AFF2: variants seen among roughly 807,000 people sequenced by gnomAD.
AFF2 encodes the protein ALF transcription elongation factor 2.
Under a neutral mutation model 76.9 loss-of-function variants are expected in AFF2, and 14 were observed. The ratio of observed to expected loss-of-function variants is 0.18; its 90% CI spans 0.12 to 0.28. The LOEUF (loss-of-function observed/expected upper bound fraction) is 0.28, where lower values mean the gene tolerates loss of function less well. AFF2 is among the 10% of genes least tolerant of loss of function. The pLI is 1.00. For synonymous variants in AFF2, 398 were observed against 366.7 expected, an observed-to-expected ratio of 1.09 and a Z score of -0.98; for missense variants, 868 against 1,001.1, an observed-to-expected ratio of 0.87 and a Z score of 1.79.
intron 8 of AFF2, among the ~76,000 whole-genome samples, chrX:148,902,627 T>A (rs1196848524): frequency 8.9e-6 from 1 of 111,891 alleles, no homozygotes; most frequent in Non-Finnish European, 1.9e-5. Flanking sequence ...GAGGTTCACA[T>A]CCTCTGTACA....
At chrX:148,540,418 T>G (rs1216038768) in intron 1 of AFF2, among the ~76,000 whole-genome samples, 1 of 109,095 alleles carries the variant, frequency 9.2e-6, no homozygotes, top group African/African-American at 3.3e-5. Flanking sequence ...TTTTTTTTTT[T>G]TTTTTCATGT....
At chrX:148,862,543 C>A (rs1205196919) in intron 7 of AFF2, among the ~76,000 whole-genome samples, 1 of 111,583 alleles carries the variant, frequency 9.0e-6, no homozygotes, top group East Asian at 2.8e-4. Flanking sequence ...TCTATTAACG[C>A]CAGTAATCCA....
chrX:148,632,453 A>G (rs941427402), intron 1 of AFF2, among the ~76,000 whole-genome samples: 1 of 111,809 alleles, frequency 8.9e-6, no homozygotes, highest in Non-Finnish European at 1.9e-5. Flanking sequence ...GTTATCAAAT[A>G]CTGAGACTGA....
Position 148,766,412 on chromosome X carries a change from T to C in AFF2, c.1042-43464T>C, listed in dbSNP as rs782475209. ...GATCGCCATTCTAACTGGTGTGAGA[T>C]GGTATCTCATAGTGGTTTTGATTTG... On this transcript the variant is annotated intron_variant, in intron 3 of 20. Coordinates refer to ENST00000370460, the MANE Select transcript of AFF2 (RefSeq NM_002025.4). Among the ~76,000 whole-genome samples, 146 of 109,829 alleles carry C rather than the reference T, an allele frequency of 1.3e-3. 1 individual carries two copies. Among genetic ancestry groups the C allele is most frequent in the Non-Finnish European group, 2.5e-3 (129 of 52,649 alleles).
intron 3 of AFF2, among the ~76,000 whole-genome samples, chrX:148,671,064 T>C (rs1187942760): frequency 1.8e-5 from 2 of 111,312 alleles, no homozygotes; most frequent in African/African-American, 6.5e-5. Context: ...GCCATCAGCA[T>C]CCTAAAACAA....
chrX:148,527,523 C>T (rs1441680149), intron 1 of AFF2, among the ~76,000 whole-genome samples: 1 of 111,203 alleles, frequency 9.0e-6, no homozygotes, highest in African/African-American at 3.3e-5. Context: ...AGAATATCAA[C>T]ATCAATTTCC....
intron 10 of AFF2, 105 bp from the exon 11 acceptor site, chrX:148,955,498 G>A (rs2072022170): frequency 4.7e-6 from 4 of 855,297 alleles, no homozygotes; most frequent in Non-Finnish European, 6.7e-6. Context: ...TGTGTGAACA[G>A]TCACTTGACA....
At chrX:148,642,989 T>C (rs2054105201) in intron 1 of AFF2, among the ~76,000 whole-genome samples, 1 of 112,261 alleles carries the variant, frequency 8.9e-6, no homozygotes, top group African/African-American at 3.2e-5. Flanking sequence ...AGGATCCTCC[T>C]GAAGTAAATC....
At chrX:148,986,489 T>G (rs2072473947) in intron 19 of AFF2, among the ~76,000 whole-genome samples, 1 of 112,683 alleles carries the variant, frequency 8.9e-6, no homozygotes, top group South Asian at 3.7e-4. Context: ...AAAATGTGTG[T>G]CTAAACACTG....
chrX:148,778,277 C>T (rs1603299222), intron 3 of AFF2, among the ~76,000 whole-genome samples: 1 of 111,404 alleles, frequency 9.0e-6, no homozygotes, highest in East Asian at 2.8e-4. Flanking sequence ...AGGATTTTTG[C>T]ATCGATGTTC....
chrX:148,882,794 A>G (rs183528826), intron 7 of AFF2, among the ~76,000 whole-genome samples: 7 of 112,323 alleles, frequency 6.2e-5, no homozygotes, highest in Admixed American at 5.7e-4. Flanking sequence ...AAACAAGTAC[A>G]TGTATATTCA....
intron 1 of AFF2, among the ~76,000 whole-genome samples, chrX:148,603,063 G>A (rs2053641222): frequency 9.0e-6 from 1 of 111,507 alleles, no homozygotes; most frequent in African/African-American, 3.3e-5. Flanking sequence ...AGTGAGTCAA[G>A]GGTAATGTCA....
intron 3 of AFF2, among the ~76,000 whole-genome samples, chrX:148,711,442 T>C (rs1485904104): frequency 8.9e-6 from 1 of 112,251 alleles, no homozygotes. Context: ...AATTTTCACA[T>C]TATTTCACCT....
intron 9 of AFF2, among the ~76,000 whole-genome samples, chrX:148,908,536 A>G (rs982272501): frequency 1.8e-5 from 2 of 111,792 alleles, no homozygotes; most frequent in Non-Finnish European, 3.8e-5. Context: ...ATGTTCCTCC[A>G]TTGCTCTGGT....
At chrX:148,532,939 A>T (rs782724756) in intron 1 of AFF2, among the ~76,000 whole-genome samples, 1 of 111,793 alleles carries the variant, frequency 8.9e-6, no homozygotes, top group Admixed American at 9.5e-5. Flanking sequence ...CTAAGTTATG[A>T]AGTGTTGGCA....
At chrX:148,829,915 A>G (rs1208977576) in intron 4 of AFF2, among the ~76,000 whole-genome samples, 1 of 112,116 alleles carries the variant, frequency 8.9e-6, no homozygotes, top group Non-Finnish European at 1.9e-5. Flanking sequence ...CTTGGTCCAC[A>G]AAGCAGGTCT....
At position 148,987,532 on chromosome X, in the gene AFF2, C is replaced by T. The variant is rs782762482; in HGVS notation, c.3789C>T (p.Ala1263=). 9 of 1,208,783 alleles carry T rather than the reference C, an allele frequency of 7.4e-6. No individual in the cohort carries two copies. The highest frequency in any genetic ancestry group is 3.0e-5 in the East Asian group (1 of 33,711). ...VLRGYEHWDM[A]DKLTRENKEF... ...GGGGCTATGAACACTGGGATATGGC[C>T]GACAAACTGACAAGAGAAAACAAAG... Residue 1263 remains alanine (A), a synonymous_variant, in exon 20 of 21, where the codon GCC becomes GCT. Transcript: ENST00000370460.
chrX:148,532,713 T>C (rs1470438772), intron 1 of AFF2, among the ~76,000 whole-genome samples: 1 of 112,294 alleles, frequency 8.9e-6, no homozygotes, highest in Non-Finnish European at 1.9e-5. Context: ...TTGAGCTGCT[T>C]CCACAGTATA....
Position 148,661,936 on chromosome X carries a change from G to A in AFF2, c.209G>A (p.Arg70Gln), listed in dbSNP as rs868961849. 5.0e-6 allele frequency: 6 copies of A among 1,202,301 alleles called. No individual in the cohort carries two copies. Among genetic ancestry groups the A allele is most frequent in the African/African-American group, 3.5e-5 (2 of 56,607 alleles). Residue 70 changes from arginine (R) to glutamine (Q), a missense_variant, in exon 3 of 21, where the codon CGA (arginine) becomes CAA (glutamine). Arg to Gln is a conservative substitution (Grantham distance 43, BLOSUM62 1). Coordinates refer to ENST00000370460, the MANE Select transcript of AFF2 (RefSeq NM_002025.4). The part of the protein sequence containing the change: ...YTNKGDALAN[R>Q]VQNTLGNYDE... ...AACAAAGGTGATGCACTTGCCAACC[G>A]AGTCCAGAACACGCTTGGAAACTAT...
Sources: allele counts gnomAD v4.1 joint callset (sites outside exome capture counted in the v4.1 genomes callset), GRCh38; gene constraint gnomAD v4.1.1; transcripts MANE v1.5; gene names NCBI Gene and HGNC (gene_info 2026-07-23, HGNC 2026-07-21).